NRG1: variants seen among roughly 807,000 people sequenced by gnomAD.
NRG1 encodes the protein pro-neuregulin-1, membrane-bound isoform.
Under a neutral mutation model 63.8 loss-of-function variants are expected in NRG1, and 18 were observed. That is an observed-to-expected ratio of 0.28 (90% CI 0.19 to 0.42). The LOEUF (loss-of-function observed/expected upper bound fraction) is 0.42, where lower values mean the gene tolerates loss of function less well. Ranked by LOEUF, NRG1 falls within the 10% of genes least tolerant of loss-of-function variation. The pLI, the probability that NRG1 is intolerant of heterozygous loss-of-function variation, is 1.00. For missense variants in NRG1, 762 were observed against 814.7 expected, an observed-to-expected ratio of 0.94 and a Z score of 0.79; for synonymous variants, 302 against 301.3, an observed-to-expected ratio of 1.00 and a Z score of -0.02.
At chr8:32,197,658 G>A (rs1455484554) in intron 1 of NRG1, among the ~76,000 whole-genome samples, 1 of 152,174 alleles carries the variant, frequency 6.6e-6, no homozygotes. Context: ...TAGACTGTTG[G>A]CTTATTGTCC....
intron 1 of NRG1, among the ~76,000 whole-genome samples, chr8:31,721,183 T>C (rs1222405371): frequency 6.6e-6 from 1 of 152,118 alleles, no homozygotes; most frequent in Non-Finnish European, 1.5e-5. Context: ...TCTTGAAAAG[T>C]GGATTTTGGC....
intron 2 of NRG1, among the ~76,000 whole-genome samples, chr8:32,596,357 T>C (rs967512841): frequency 1.3e-5 from 2 of 151,910 alleles, no homozygotes; most frequent in Non-Finnish European, 2.9e-5. Context: ...TAATCCCAGC[T>C]CTTTGGGAGG....
chr8:32,198,564 A>C (rs972018141), intron 1 of NRG1, among the ~76,000 whole-genome samples: 3 of 152,222 alleles, frequency 2.0e-5, no homozygotes, highest in Non-Finnish European at 2.9e-5. Context: ...ACATGTTTTC[A>C]TAATGGATCT....
chr8:31,947,868 C>A (rs1033722445), intron 1 of NRG1, among the ~76,000 whole-genome samples: 1 of 147,906 alleles, frequency 6.8e-6, no homozygotes, highest in African/African-American at 2.5e-5. Context: ...ATCACTTGAG[C>A]CCAAGAGGCA....
intron 1 of NRG1, among the ~76,000 whole-genome samples, chr8:31,817,179 A>G (rs542324440): frequency 1.3e-5 from 2 of 152,330 alleles, no homozygotes; most frequent in African/African-American, 4.8e-5. Flanking sequence ...ACAACAATGA[A>G]ACTGTGTAGG....
intron 1 of NRG1, chr8:32,191,922 AGAGTCATT>A (rs2132207864): frequency 6.6e-6 from 1 of 152,432 alleles, no homozygotes; most frequent in African/African-American, 2.4e-5. Flanking sequence ...TTCCACCATC[AGAGTCATT>A]GATAGCCACA....
chr8:32,554,325 A>T (rs1295545212), intron 1 of NRG1, among the ~76,000 whole-genome samples: 3 of 144,996 alleles, frequency 2.1e-5, no homozygotes, highest in African/African-American at 8.0e-5. Context: ...TTAATGGGTT[A>T]AAAAAAAAAG....
At chr8:32,085,009 C>T (rs1284786751) in intron 1 of NRG1, among the ~76,000 whole-genome samples, 3 of 152,168 alleles carry the variant, frequency 2.0e-5, no homozygotes, top group Non-Finnish European at 4.4e-5. Context: ...ATCCAGTGAC[C>T]TTTAGCACAA....
intron 1 of NRG1, among the ~76,000 whole-genome samples, chr8:32,477,144 G>A (rs551850204): frequency 2.0e-4 from 31 of 152,216 alleles, no homozygotes; most frequent in Non-Finnish European, 1.5e-5. Flanking sequence ...AAGTCTGATC[G>A]TCTCACTGGG....
intron 1 of NRG1, among the ~76,000 whole-genome samples, chr8:32,112,982 A>G (rs1832231210): frequency 6.6e-6 from 1 of 152,328 alleles, no homozygotes; most frequent in African/African-American, 2.4e-5. Context: ...GTACTAAATG[A>G]AAATTGGGAC....
intron 1 of NRG1, among the ~76,000 whole-genome samples, chr8:31,914,182 G>A (rs1585710567): frequency 6.6e-6 from 1 of 152,058 alleles, no homozygotes; most frequent in Admixed American, 6.6e-5. Context: ...TTCTAGATTG[G>A]TTCACGTGGA....
At chr8:32,045,648 A>T (rs1288049821) in intron 1 of NRG1, among the ~76,000 whole-genome samples, 1 of 152,024 alleles carries the variant, frequency 6.6e-6, no homozygotes, top group Non-Finnish European at 1.5e-5. Context: ...GGACATAAAT[A>T]GACCTGCATA....
chr8:31,792,876 A>G (rs1333911613), intron 1 of NRG1, among the ~76,000 whole-genome samples: 1 of 152,254 alleles, frequency 6.6e-6, no homozygotes, highest in Non-Finnish European at 1.5e-5. Flanking sequence ...CACAGATAGC[A>G]AATGTGACAA....
rs564682931 is a variant in NRG1 at position 31,823,368 on chromosome 8, C to T, written c.37+183937C>T. ...ACTTAAGGGGGTGTCCCACTCAAGT[C>T]ATTATAAATTCAGTTTTATTATGCT... On this transcript the variant is annotated intron_variant, in intron 1 of 10. Transcript: ENST00000519301. Among the ~76,000 whole-genome samples the T allele has an allele frequency of 4.6e-5, 7 of 152,052 alleles. No homozygotes were observed. The South Asian group carries it at 1.5e-3, about 32-fold the overall frequency.
intron 1 of NRG1, among the ~76,000 whole-genome samples, chr8:31,890,875 T>C (rs1831093483): frequency 6.6e-6 from 1 of 152,196 alleles, no homozygotes; most frequent in African/African-American, 2.4e-5. Flanking sequence ...CACGTTAATA[T>C]GCTCAAGTGA....
rs570863837 is a variant in NRG1, at chr8:31,926,004, T to A, written c.37+286573T>A. On this transcript the variant is annotated intron_variant, in intron 1 of 10. Coordinates refer to the NRG1 transcript ENST00000519301. ...GTATGTATGCTTGGTAATTTTGGAT[T>A]GGGTGTCAGAAATTGTGTATGAATA... Among the ~76,000 whole-genome samples, 433 of 152,326 alleles carry A rather than the reference T, an allele frequency of 2.8e-3. 1 individual carries two copies. The highest frequency in any genetic ancestry group is 1.0e-2 in the African/African-American group (414 of 41,566).
chr8:32,771,715 A>AAATATATAT (rs1343943621), downstream of NRG1, among the ~76,000 whole-genome samples: 10 of 111,848 alleles, frequency 8.9e-5, no homozygotes, highest in African/African-American at 3.1e-4. Flanking sequence ...TTAAAAAAAA[A>AAATATATAT]ATATATATAT....
chr8:32,228,526 C>T (rs997061793), intron 1 of NRG1, among the ~76,000 whole-genome samples: 5 of 152,084 alleles, frequency 3.3e-5, no homozygotes, highest in East Asian at 1.9e-4. Context: ...TTCAATGTCA[C>T]GGTGGAATCA....
intron 1 of NRG1, among the ~76,000 whole-genome samples, chr8:31,783,610 A>C (rs1044282710): frequency 9.2e-5 from 14 of 151,852 alleles, no homozygotes; most frequent in Admixed American, 5.2e-4. Context: ...AGGCAAAAAA[A>C]AAAAAAAACA....
Sources: gnomAD v4.1 joint callset for allele counts (sites outside exome capture counted in the v4.1 genomes callset) on GRCh38, gnomAD v4.1.1 for gene constraint, MANE v1.5 for transcripts, NCBI Gene and HGNC (gene_info 2026-07-23, HGNC 2026-07-21) for gene names.